The following DTNB variants were observed in gnomAD, a reference collection of about 807,000 sequenced individuals.
DTNB encodes the protein dystrobrevin beta.
In DTNB, 63 loss-of-function variants were observed where a neutral mutation model predicts 90.7. The observed-to-expected ratio is 0.69, with a 90% CI of 0.57 to 0.86. DTNB has a LOEUF of 0.86. Among genes scored for constraint, DTNB ranks in the 40% least tolerant of loss-of-function variants. The probability of loss-of-function intolerance (pLI) is 0.00; values close to 1 mark genes in which losing one functional copy is unlikely to be tolerated. For synonymous variants in DTNB, 277 were observed against 286.7 expected, an observed-to-expected ratio of 0.97 and a Z score of 0.34; for missense variants, 744 against 807.1, an observed-to-expected ratio of 0.92 and a Z score of 0.95.
intron 9 of DTNB, 29 bp from the exon 10 acceptor site, chr2:25,482,902 A>G: frequency 1.3e-6 from 2 of 1,576,952 alleles, no homozygotes; most frequent in Non-Finnish European, 1.7e-6. Context: ...ACCTTATATT[A>G]ATAATGACCA....
intron 16 of DTNB, among the ~76,000 whole-genome samples, chr2:25,392,156 C>A (rs2041292473): frequency 6.6e-6 from 1 of 152,156 alleles, no homozygotes; most frequent in African/African-American, 2.4e-5. Context: ...CGCCTGTAAT[C>A]CCAGCACTTT....
chr2:25,630,013 A>C (rs116650785), intron 3 of DTNB, among the ~76,000 whole-genome samples: 2,661 of 152,356 alleles, frequency 0.017, 71 homozygotes, highest in African/African-American at 0.058. Context: ...GGATCCAGAC[A>C]CATAAAAACT....
At chr2:25,614,967 G>A (rs992462718) in intron 4 of DTNB, among the ~76,000 whole-genome samples, 7 of 152,098 alleles carry the variant, frequency 4.6e-5, no homozygotes, top group African/African-American at 9.7e-5. Flanking sequence ...GCTCATTCCC[G>A]CAAGACTGCT....
intron 6 of DTNB, among the ~76,000 whole-genome samples, chr2:25,592,492 T>C (rs1288726167): frequency 6.6e-6 from 1 of 152,072 alleles, no homozygotes; most frequent in Non-Finnish European, 1.5e-5. Context: ...AATTAACTTA[T>C]AAACGCATCT....
intron 10 of DTNB, among the ~76,000 whole-genome samples, chr2:25,474,293 TA>T (rs75986575): frequency 0.019 from 2,739 of 141,636 alleles, 71 homozygotes; most frequent in African/African-American, 0.063. Flanking sequence ...TTTTCTGTCT[TA>T]AAAAAAAAAA....
At chr2:25,666,958 G>A (rs1334331859) in intron 1 of DTNB, among the ~76,000 whole-genome samples, 2 of 151,994 alleles carry the variant, frequency 1.3e-5, no homozygotes, top group African/African-American at 4.8e-5. Context: ...AGATAAGTGG[G>A]AAGATATAAA....
intron 16 of DTNB, among the ~76,000 whole-genome samples, chr2:25,409,508 A>G (rs927995701): frequency 1.8e-4 from 28 of 152,250 alleles, no homozygotes; most frequent in Non-Finnish European, 7.3e-5. Flanking sequence ...CACAGATTTA[A>G]GATTTACATC....
At chr2:25,616,267 T>C (rs967467756) in intron 4 of DTNB, among the ~76,000 whole-genome samples, 19 of 152,306 alleles carry the variant, frequency 1.2e-4, no homozygotes, top group African/African-American at 4.1e-4. Context: ...TACCCATCCA[T>C]AAACATTACA....
chr2:25,576,231 T>G (rs1050621703), intron 8 of DTNB, among the ~76,000 whole-genome samples: 4 of 145,954 alleles, frequency 2.7e-5, no homozygotes, highest in East Asian at 3.9e-4. Flanking sequence ...GTTTTTTTTT[T>G]TTTTTTTTTT....
intron 6 of DTNB, among the ~76,000 whole-genome samples, chr2:25,583,111 G>A (rs1040379231): frequency 3.3e-4 from 50 of 151,880 alleles, no homozygotes; most frequent in African/African-American, 1.2e-3. Flanking sequence ...TCTGGGTGTG[G>A]TGGCGGGTGC....
chr2:25,380,525 T>C (rs1039395546), intron 19 of DTNB, among the ~76,000 whole-genome samples: 3 of 152,220 alleles, frequency 2.0e-5, no homozygotes, highest in African/African-American at 7.2e-5. Flanking sequence ...GAAAGTCACA[T>C]ACGTAAAAAT....
At chr2:25,563,066 A>G (rs886954819) in intron 8 of DTNB, among the ~76,000 whole-genome samples, 3 of 152,194 alleles carry the variant, frequency 2.0e-5, no homozygotes, top group Non-Finnish European at 4.4e-5. Context: ...CACCATGCCC[A>G]GCCTAATCTA....
At position 25,613,751 on chromosome 2, in the gene DTNB, C is replaced by A. The variant is rs376114897; in HGVS notation, c.363-6430G>T. Among the ~76,000 whole-genome samples the A allele has an allele frequency of 2.0e-5, 3 of 151,714 alleles. 1 individual carries two copies. The highest frequency in any genetic ancestry group is 4.2e-4 in the South Asian group (2 of 4,802). ...AAGGTGGGCGGATCATGAGGTCAGG[C>A]GTTTGAGACTATCCTGGCCAACATG... On this transcript the variant is annotated intron_variant, in intron 4 of 20. Coordinates refer to ENST00000406818, the MANE Select transcript of DTNB (RefSeq NM_021907.5).
intron 1 of DTNB, among the ~76,000 whole-genome samples, chr2:25,660,345 G>A (rs1488183600): frequency 1.3e-5 from 2 of 152,202 alleles, no homozygotes; most frequent in Non-Finnish European, 2.9e-5. Context: ...TGTATTATAT[G>A]ATTCCAGTTC....
At chr2:25,414,476 G>A (rs994414971) in intron 16 of DTNB, among the ~76,000 whole-genome samples, 5 of 152,186 alleles carry the variant, frequency 3.3e-5, no homozygotes, top group East Asian at 3.9e-4. Flanking sequence ...GGATGGTCTC[G>A]ATCTCCTGAC....
rs77288786 is a variant in DTNB at position 25,627,003 on chromosome 2, C to A, written c.362+1168G>T. Among the ~76,000 whole-genome samples, 1,070 of 152,338 alleles carry A rather than the reference C, an allele frequency of 7.0e-3. 12 individuals are homozygous for A. The highest frequency in any genetic ancestry group is 0.025 in the African/African-American group (1,034 of 41,574). On this transcript the variant is annotated intron_variant, in intron 4 of 20. Coordinates refer to ENST00000406818, the MANE Select transcript of DTNB (RefSeq NM_021907.5). ...CAATTCTCTACGAATATAAGTGCAGCAAATCATTTCCGTTTTAATTGGAGT... is the reference window on the plus strand; with the variant it reads ...CAATTCTCTACGAATATAAGTGCAGAAAATCATTTCCGTTTTAATTGGAGT...
intron 14 of DTNB, among the ~76,000 whole-genome samples, chr2:25,431,127 ACTT>A (rs1476793190): frequency 6.6e-6 from 1 of 152,276 alleles, no homozygotes; most frequent in African/African-American, 2.4e-5. Flanking sequence ...GGATTTACCA[ACTT>A]CTTCTTTCAT....
chr2:25,579,895 G>C (rs1378861032), intron 7 of DTNB, among the ~76,000 whole-genome samples: 1 of 148,680 alleles, frequency 6.7e-6, no homozygotes, highest in Non-Finnish European at 1.5e-5. Context: ...GCTCAAACAA[G>C]AAACAATCAT....
chr2:25,644,976 G>A (rs1359864926), intron 2 of DTNB, among the ~76,000 whole-genome samples: 1 of 152,184 alleles, frequency 6.6e-6, no homozygotes, highest in African/African-American at 2.4e-5. Context: ...AGGAAAAAAA[G>A]AGAAAGCATC....
Sources: allele counts gnomAD v4.1 joint callset (sites outside exome capture counted in the v4.1 genomes callset), GRCh38; gene constraint gnomAD v4.1.1; transcripts MANE v1.5; gene names NCBI Gene and HGNC (gene_info 2026-07-23, HGNC 2026-07-21).